Variants in LURAP1L observed in about 807,000 individuals in gnomAD.
The protein encoded by LURAP1L is leucine rich adaptor protein 1-like.
In LURAP1L, 12 loss-of-function variants were observed where a neutral mutation model predicts 13.8. The observed-to-expected ratio is 0.87, with a 90% confidence interval of 0.56 to 1.41. The LOEUF is 1.41. LURAP1L is among the 40% of genes most tolerant of loss of function. LURAP1L has a pLI of 0.00. For missense variants in LURAP1L, 375 were observed against 292.9 expected, an observed-to-expected ratio of 1.28 and a Z score of -2.04; for synonymous variants, 139 against 119.2, an observed-to-expected ratio of 1.17 and a Z score of -1.08.
intron 1 of LURAP1L, among the ~76,000 whole-genome samples, chr9:12,780,655 A>T (rs1819256828): frequency 6.6e-6 from 1 of 152,130 alleles, no homozygotes; most frequent in African/African-American, 2.4e-5. Context: ...AAATGTGCCC[A>T]TTTACTGTGA....
chr9:12,796,923 G>A (rs1393097617), intron 1 of LURAP1L, among the ~76,000 whole-genome samples: 1 of 150,606 alleles, frequency 6.6e-6, no homozygotes, highest in East Asian at 2.0e-4. Flanking sequence ...GTTTGAGTAA[G>A]ATTAGGTGGG....
Position 12,775,924 on chromosome 9 carries a change from C to A in LURAP1L, c.209C>A (p.Ser70Ter). ...SSYCSFPPSLSSSSSSSPTSG... is the reference protein window; with the variant it reads ...SSYCSFPPSL ...TACTGCAGCTTCCCTCCCTCCTTGT[C>A]GTCCTCCTCTTCGTCCTCCCCAACC... The change falls in exon 1 of 2, where the codon TCG becomes TAG. Residue 70 changes from serine to a stop codon, truncating the protein, a stop_gained. Transcript: ENST00000319264. LOFTEE classifies it high-confidence loss of function. The A allele has an allele frequency of 1.3e-6, 2 of 1,572,972 alleles. No individual in the cohort carries two copies. The highest frequency in any genetic ancestry group is 1.7e-6 in the Non-Finnish European group (2 of 1,159,126).
chr9:12,800,028 C>G (rs905863420), intron 1 of LURAP1L, among the ~76,000 whole-genome samples: 1 of 152,062 alleles, frequency 6.6e-6, no homozygotes, highest in Non-Finnish European at 1.5e-5. Context: ...TTTACATTCT[C>G]TTTTTGGGGT....
At chr9:12,776,849 G>A (rs1045239069) in intron 1 of LURAP1L, among the ~76,000 whole-genome samples, 1 of 152,178 alleles carries the variant, frequency 6.6e-6, no homozygotes, top group Non-Finnish European at 1.5e-5. Flanking sequence ...GAAGTATTTA[G>A]ACTAAGACAC....
chr9:12,799,728 A>T (rs1216821624), intron 1 of LURAP1L, among the ~76,000 whole-genome samples: 1 of 152,010 alleles, frequency 6.6e-6, no homozygotes, highest in Non-Finnish European at 1.5e-5. Context: ...AAAATACAAA[A>T]ATTAGCCAGG....
At chr9:12,816,953 T>G (rs2118549555) in intron 1 of LURAP1L, among the ~76,000 whole-genome samples, 1 of 152,284 alleles carries the variant, frequency 6.6e-6, no homozygotes, top group South Asian at 2.1e-4. Context: ...GTTTGTTCCC[T>G]TTGTTCAGTT....
chr9:12,781,930 G>A (rs1264773601), intron 1 of LURAP1L, among the ~76,000 whole-genome samples: 1 of 152,096 alleles, frequency 6.6e-6, no homozygotes, highest in Non-Finnish European at 1.5e-5. Flanking sequence ...ATTATTGTTT[G>A]TTGTTTGGAT....
intron 1 of LURAP1L, among the ~76,000 whole-genome samples, chr9:12,807,118 T>TATATATATATATATATATATATA (rs1563896115): frequency 1.7e-4 from 23 of 133,696 alleles, no homozygotes; most frequent in Admixed American, 3.3e-4. Flanking sequence ...TATATATATA[T>TATATATATATATATATATATATA]TAGCCGGGCG....
At position 12,775,868 on chromosome 9, in the gene LURAP1L, C is replaced by CGGCGGCGGT. The variant is rs752097780; in HGVS notation, c.161_162insTGGCGGCGG (p.Gly53_Gly55dup). On this transcript the variant is annotated inframe_insertion, in exon 1 of 2. Coordinates refer to ENST00000319264, the MANE Select transcript of LURAP1L (RefSeq NM_203403.2). Reference sequence around the variant, plus strand: ...GCGGGGGGAGCGGTGGTGGTGGCGGCGGCGGCGGCGGCTGCAGTAGCAGCA... The same window carrying CGGCGGCGGT: ...GCGGGGGGAGCGGTGGTGGTGGCGGCGGCGGCGGTGGCGGCGGCGGCTGCAGTAGCAGCA... The CGGCGGCGGT allele has an allele frequency of 6.3e-7, 1 of 1,577,024 alleles. No individual in the cohort carries two copies. Among genetic ancestry groups the CGGCGGCGGT allele is most frequent in the Non-Finnish European group, 8.6e-7 (1 of 1,161,478 alleles).
At chr9:12,796,920 T>C (rs75440865) in intron 1 of LURAP1L, among the ~76,000 whole-genome samples, 3,062 of 149,914 alleles carry the variant, frequency 0.02, 128 homozygotes, top group African/African-American at 0.072. Flanking sequence ...AAGGTTTGAG[T>C]AAGATTAGGT....
chr9:12,801,396 AT>A (rs1460089993), intron 1 of LURAP1L, among the ~76,000 whole-genome samples: 1 of 151,970 alleles, frequency 6.6e-6, no homozygotes, highest in Non-Finnish European at 1.5e-5. Context: ...CATCTTAGGA[AT>A]CCATACCCCA....
chr9:12,815,525 A>G (rs372816760), intron 1 of LURAP1L, among the ~76,000 whole-genome samples: 15 of 152,288 alleles, frequency 9.8e-5, no homozygotes, highest in African/African-American at 3.6e-4. Context: ...GTATGTGACT[A>G]TGGACTTGCA....
chr9:12,782,910 G>A, intron 1 of LURAP1L, among the ~76,000 whole-genome samples: 1 of 152,024 alleles, frequency 6.6e-6, no homozygotes, highest in Non-Finnish European at 1.5e-5. Context: ...GTATTTTATA[G>A]TATTCATTGT....
intron 1 of LURAP1L, among the ~76,000 whole-genome samples, chr9:12,804,403 G>A (rs1819627962): frequency 6.8e-6 from 1 of 148,038 alleles, no homozygotes; most frequent in Non-Finnish European, 1.5e-5. Flanking sequence ...GGAGTGCAGT[G>A]GCATGGTCTC....
At position 12,775,980 on chromosome 9, in the gene LURAP1L, G is replaced by T. The variant is rs780925893; in HGVS notation, c.265G>T (p.Ala89Ser). 2 of 1,606,520 alleles carry T rather than the reference G, an allele frequency of 1.2e-6. No individual in the cohort carries two copies. Among genetic ancestry groups the T allele is most frequent in the East Asian group, 2.3e-5 (1 of 44,412 alleles). ...SGSPRGSHSS[A>S]LERLETKLHL... ...CTCCCCACGAGGTAGCCACTCTAGC[G>T]CCCTGGAGAGGCTAGAAACCAAGCT... Residue 89 changes from alanine to serine, a missense_variant, in exon 1 of 2, where the codon GCC becomes TCC. Transcript: ENST00000319264.
intron 1 of LURAP1L, among the ~76,000 whole-genome samples, chr9:12,799,495 A>G (rs1356255350): frequency 4.6e-5 from 7 of 152,358 alleles, no homozygotes; most frequent in East Asian, 1.9e-4. Flanking sequence ...TTTGAACAAG[A>G]GAACAACCAG....
At chr9:12,798,904 A>C (rs1277753889) in intron 1 of LURAP1L, among the ~76,000 whole-genome samples, 2 of 152,174 alleles carry the variant, frequency 1.3e-5, no homozygotes, top group African/African-American at 4.8e-5. Context: ...CCAATATAAT[A>C]GGGTAGAATC....
chr9:12,782,539 G>A (rs1586874773), intron 1 of LURAP1L, among the ~76,000 whole-genome samples: 1 of 152,160 alleles, frequency 6.6e-6, no homozygotes, highest in African/African-American at 2.4e-5. Context: ...TGAAAAATGA[G>A]TTCACTGTAG....
chr9:12,799,109 G>A (rs930337516), intron 1 of LURAP1L, among the ~76,000 whole-genome samples: 43 of 152,088 alleles, frequency 2.8e-4, no homozygotes, highest in Non-Finnish European at 5.6e-4. Flanking sequence ...GCGGAAAAAA[G>A]GGAATTAGAA....
Sources: gnomAD v4.1 joint callset for allele counts (sites outside exome capture counted in the v4.1 genomes callset) on GRCh38, gnomAD v4.1.1 for gene constraint, MANE v1.5 for transcripts, NCBI Gene and HGNC (gene_info 2026-07-23, HGNC 2026-07-21) for gene names.